TNFAIP8L3: variants seen among roughly 807,000 people sequenced by gnomAD.
The protein encoded by TNFAIP8L3 is TNF alpha induced protein 8 like 3, also known as tumor necrosis factor alpha-induced protein 8-like protein 3.
In TNFAIP8L3, 7 loss-of-function variants were observed where a neutral mutation model predicts 11.8. The observed-to-expected ratio is 0.59, with a 90% confidence interval of 0.34 to 1.11. The LOEUF is 1.11. TNFAIP8L3 is among the 50% of genes most tolerant of loss of function. The pLI, the probability that TNFAIP8L3 is intolerant of heterozygous loss-of-function variation, is 0.03. For synonymous variants in TNFAIP8L3, 98 were observed against 103.8 expected, an observed-to-expected ratio of 0.94 and a Z score of 0.34; for missense variants, 219 against 258.6, an observed-to-expected ratio of 0.85 and a Z score of 1.05.
intron 1 of TNFAIP8L3, among the ~76,000 whole-genome samples, chr15:51,102,863 T>C (rs1363557883): frequency 5.3e-5 from 8 of 152,124 alleles, no homozygotes; most frequent in Admixed American, 5.2e-4. Flanking sequence ...TGATCTTTCC[T>C]CTCCTTTTAC....
At position 51,056,950 on chromosome 15, in the gene TNFAIP8L3, C is replaced by T. The variant is rs2065209137; in HGVS notation, c.*931G>A. The T allele has an allele frequency of 6.6e-6, 1 of 152,020 alleles. No individual in the cohort carries two copies. Among genetic ancestry groups the T allele is most frequent in the Non-Finnish European group, 1.5e-5 (1 of 68,032 alleles). 9.4% of individuals were successfully genotyped at this position (152,020 alleles called of 1,614,324 possible). A position where few individuals can be genotyped will look rare whatever the true frequency, so the allele number is the denominator to read the frequency against. On this transcript the variant is annotated 3_prime_UTR_variant, in exon 2 of 2. Coordinates refer to ENST00000637513, the MANE Select transcript of TNFAIP8L3 (RefSeq NM_001311175.2). ...TTAGAGACAGAGTCTTGCTCTGTTGCCCAGGCTGGAGTACAGTGGCGTGAT... is the reference window on the plus strand; with the variant it reads ...TTAGAGACAGAGTCTTGCTCTGTTGTCCAGGCTGGAGTACAGTGGCGTGAT...
chr15:51,081,812 A>G (rs1471859031), intron 1 of TNFAIP8L3, among the ~76,000 whole-genome samples: 1 of 152,118 alleles, frequency 6.6e-6, no homozygotes, highest in African/African-American at 2.4e-5. Flanking sequence ...TGTGCTTACC[A>G]CGCTTGCTGG....
rs987696698 is a variant in TNFAIP8L3 at position 51,066,226 on chromosome 15, A to C, written c.53-7783T>G. 3.3e-5 allele frequency among the ~76,000 whole-genome samples: 5 copies of C among 149,720 alleles called. No homozygotes were observed. In the Admixed American group the frequency reaches 3.3e-4, roughly 10 times the overall value. On this transcript the variant is annotated intron_variant, in intron 1 of 1. Coordinates refer to ENST00000637513, the MANE Select transcript of TNFAIP8L3 (RefSeq NM_001311175.2). ...CGCCCAGGCTGGAGGGCAGTGGCAC[A>C]GTCTCAGCTCACTGAAACCTCTGCC...
intron 1 of TNFAIP8L3, among the ~76,000 whole-genome samples, chr15:51,092,309 G>A (rs1472267739): frequency 6.6e-6 from 1 of 152,226 alleles, no homozygotes; most frequent in Non-Finnish European, 1.5e-5. Flanking sequence ...GTCCATGGAT[G>A]AATGTCAAGT....
chr15:51,088,062 C>A (rs1303272253), intron 1 of TNFAIP8L3, among the ~76,000 whole-genome samples: 1 of 150,972 alleles, frequency 6.6e-6, no homozygotes, highest in East Asian at 1.9e-4. Context: ...TAGAATACAG[C>A]CCAAACATCC....
chr15:51,066,149 C>T (rs1177304880), intron 1 of TNFAIP8L3, among the ~76,000 whole-genome samples: 1 of 136,226 alleles, frequency 7.3e-6, no homozygotes, highest in Non-Finnish European at 1.5e-5. Flanking sequence ...CTGCTTTGAA[C>T]TTGAACTTTC....
intron 1 of TNFAIP8L3, among the ~76,000 whole-genome samples, chr15:51,076,788 C>T (rs2065353695): frequency 6.6e-6 from 1 of 152,184 alleles, no homozygotes; most frequent in African/African-American, 2.4e-5. Flanking sequence ...GTGCCATGGG[C>T]CCATCTCTTT....
At chr15:51,076,016 A>AT (rs902467424) in intron 1 of TNFAIP8L3, among the ~76,000 whole-genome samples, 20 of 149,716 alleles carry the variant, frequency 1.3e-4, no homozygotes, top group African/African-American at 4.4e-4. Flanking sequence ...GTTCTACTTG[A>AT]TTTTTTTTTT....
At position 51,056,733 on chromosome 15, in the gene TNFAIP8L3, C is replaced by T. The variant is rs2065206065; in HGVS notation, c.*1148G>A. On this transcript the variant is annotated 3_prime_UTR_variant, in exon 2 of 2. Transcript: ENST00000637513. ...TATGGAATAAAGCCTCCCTGAGCTC[C>T]ATGCCCCTTAGATAAGGGAAGGCTG... is the stretch of plus-strand genomic sequence containing the variant. 1 of 152,020 alleles carries T rather than the reference C, an allele frequency of 6.6e-6. No homozygotes were observed. The highest frequency in any genetic ancestry group is 2.4e-5 in the African/African-American group (1 of 41,376). 9.4% of individuals were successfully genotyped at this position (152,020 alleles called of 1,614,324 possible).
At chr15:51,072,329 G>A (rs996055472) in intron 1 of TNFAIP8L3, among the ~76,000 whole-genome samples, 2 of 152,068 alleles carry the variant, frequency 1.3e-5, no homozygotes, top group South Asian at 4.1e-4. Flanking sequence ...TAGTACAGAT[G>A]GGGTTTCTCT....
chr15:51,063,485 T>C (rs1047265738), intron 1 of TNFAIP8L3, among the ~76,000 whole-genome samples: 2 of 152,094 alleles, frequency 1.3e-5, no homozygotes, highest in African/African-American at 4.8e-5. Flanking sequence ...TGGAGGAAGA[T>C]TATACCATTT....
intron 1 of TNFAIP8L3, among the ~76,000 whole-genome samples, chr15:51,081,692 A>G (rs553515384): frequency 1.3e-5 from 2 of 152,350 alleles, no homozygotes; most frequent in South Asian, 2.1e-4. Flanking sequence ...CAAAACACTA[A>G]GAATGGGTGG....
At chr15:51,097,407 G>C (rs1454718924), upstream of TNFAIP8L3, among the ~76,000 whole-genome samples, 1 of 152,082 alleles carries the variant, frequency 6.6e-6, no homozygotes, top group Non-Finnish European at 1.5e-5. Flanking sequence ...CTTTGGGCAT[G>C]GGGGGGAGAG....
intron 1 of TNFAIP8L3, among the ~76,000 whole-genome samples, chr15:51,076,460 A>C (rs192725938): frequency 6.6e-6 from 1 of 152,340 alleles, no homozygotes. Flanking sequence ...TCCTTTCTAA[A>C]TTAAACTCTA....
At chr15:51,093,692 G>A (rs567248683) in intron 1 of TNFAIP8L3, among the ~76,000 whole-genome samples, 152 of 152,252 alleles carry the variant, frequency 1.0e-3, no homozygotes, top group African/African-American at 3.5e-3. Context: ...ACGTGAGGAG[G>A]GCGAGCGGGT....
In TNFAIP8L3 at chr15:51,094,778, C is replaced by T. The variant is rs1423035312; in HGVS notation, c.-183G>A. ...CTCCGCAGAGGCGAGCGCCGCCGCG[C>T]CCCGCTCCCCGCGCCCGCCGGCCGG... On this transcript the variant is annotated 5_prime_UTR_variant, in exon 1 of 2. Transcript: ENST00000637513. This position sits in a 1 kb window ranked among gnomAD's most constrained non-coding sequence, Gnocchi z 4.4. The T allele has an allele frequency of 1.2e-4, 106 of 850,272 alleles. 1 individual carries two copies. Among genetic ancestry groups the T allele is most frequent in the Non-Finnish European group, 1.4e-4 (102 of 709,428 alleles). The allele number at this position is 850,272 out of a possible 1,614,324, so 52.7% of individuals were successfully genotyped here.
At chr15:51,064,534 G>A (rs1307889806) in intron 1 of TNFAIP8L3, 1 of 151,990 alleles carries the variant, frequency 6.6e-6, no homozygotes, top group East Asian at 1.9e-4. Flanking sequence ...ATGCATTATA[G>A]GAAATACTGG....
chr15:51,101,945 C>CAAAAAAAAAAAAAAAAAAAAAAAA (rs11297566), intron 1 of TNFAIP8L3, among the ~76,000 whole-genome samples: 10 of 85,702 alleles, frequency 1.2e-4, no homozygotes, highest in African/African-American at 2.6e-4. Context: ...GACTCTGTCT[C>CAAAAAAAAAAAAAAAAAAAAAAAA]AAAAAAAAAA....
At chr15:51,078,513 C>T (rs2065370669) in intron 1 of TNFAIP8L3, among the ~76,000 whole-genome samples, 3 of 152,118 alleles carry the variant, frequency 2.0e-5, no homozygotes, top group Admixed American at 1.3e-4. Flanking sequence ...TCTGGGTGTC[C>T]TCCTGAGCTC....
Sources: gnomAD v4.1 joint callset for allele counts (sites outside exome capture counted in the v4.1 genomes callset) on GRCh38, gnomAD v4.1.1 for gene constraint, Gnocchi (gnomAD v3.1) non-coding constraint, MANE v1.5 for transcripts, NCBI Gene and HGNC (gene_info 2026-07-23, HGNC 2026-07-21) for gene names.